The following ACSF3 variants were observed in gnomAD, a reference collection of about 807,000 sequenced individuals.
ACSF3 encodes the protein malonate--CoA ligase ACSF3, mitochondrial.
In ACSF3, 78 loss-of-function variants were observed where a neutral mutation model predicts 53.2. The ratio of observed to expected loss-of-function variants is 1.47; its 90% confidence interval spans 1.22 to 1.77. The LOEUF is 1.77. Among genes scored for constraint, ACSF3 ranks in the 40% most tolerant of loss-of-function variants. ACSF3 has a pLI of 0.00. For synonymous variants in ACSF3, 414 were observed against 333.1 expected (o/e 1.24, Z -2.65); for missense variants, 937 against 771.1 (o/e 1.22, Z -2.55).
chr16:89,124,709 C>T (rs911646646), intron 7 of ACSF3, among the ~76,000 whole-genome samples: 3 of 148,934 alleles, frequency 2.0e-5, no homozygotes, highest in Non-Finnish European at 4.5e-5. Flanking sequence ...GTGTGTGATA[C>T]CCATGTGCGC....
intron 4 of ACSF3, among the ~76,000 whole-genome samples, chr16:89,110,339 A>G (rs1976538283): frequency 1.3e-5 from 2 of 152,218 alleles, no homozygotes; most frequent in South Asian, 2.1e-4. Flanking sequence ...GGTGTGAGGT[A>G]GGGTCTAGGA....
chr16:89,145,312 G>A lies in ACSF3; in HGVS notation c.1412G>A (p.Arg471Gln), dbSNP rs387907119. 2.6e-5 allele frequency: 42 copies of A among 1,614,172 alleles called. No individual in the cohort carries two copies. The South Asian group carries it at 2.6e-4, about 10-fold the overall frequency. The change falls in exon 9 of 11, where the codon CGG becomes CAG. Residue 471 changes from arginine to glutamine, a missense_variant. Coordinates refer to ENST00000614302, the MANE Select transcript of ACSF3 (RefSeq NM_001243279.3). ...GATGGCCAGTACTGGATCCGAGGCC[G>A]GACCTCAGTGGACATCATCAAGACT... The part of the protein sequence containing the change: ...FKDGQYWIRG[R>Q]TSVDIIKTGG...
At chr16:89,108,123 C>T (rs1049247899) in intron 4 of ACSF3, among the ~76,000 whole-genome samples, 5 of 152,180 alleles carry the variant, frequency 3.3e-5, no homozygotes, top group Non-Finnish European at 5.9e-5. Context: ...ACAGGAAAGA[C>T]CGGCCCCCAT....
At chr16:89,100,105 C>T (rs1975094379) in intron 2 of ACSF3, among the ~76,000 whole-genome samples, 2 of 152,114 alleles carry the variant, frequency 1.3e-5, no homozygotes, top group African/African-American at 4.8e-5. Context: ...TGCATCACTA[C>T]ACTCCAGCCT....
Position 89,155,682 on chromosome 16 carries a change from G to T in ACSF3, c.*1475G>T, listed in dbSNP as rs1459178867. 14 of 454,020 alleles carry T rather than the reference G, an allele frequency of 3.1e-5. No homozygotes were observed. In the East Asian group the frequency reaches 9.7e-4, roughly 32 times the overall value. The allele number at this position is 454,020 out of a possible 1,614,324, so 28.1% of individuals were successfully genotyped here. A position where few individuals can be genotyped will look rare whatever the true frequency, so the allele number is the denominator to read the frequency against. On this transcript the variant is annotated 3_prime_UTR_variant, in exon 11 of 11. Coordinates refer to ENST00000614302, the MANE Select transcript of ACSF3 (RefSeq NM_001243279.3). Reference sequence around the variant, plus strand: ...CTACAGTCCAGACGTTTGTGTCTAGGCCTTGCTGGTAGCTAAGGAAATGCC... The same window carrying T: ...CTACAGTCCAGACGTTTGTGTCTAGTCCTTGCTGGTAGCTAAGGAAATGCC...
intron 6 of ACSF3, among the ~76,000 whole-genome samples, chr16:89,115,980 T>A (rs1905059379): frequency 6.6e-6 from 1 of 152,224 alleles, no homozygotes; most frequent in Non-Finnish European, 1.5e-5. Context: ...ATCAGGAGTT[T>A]TAGGTTTTGG....
At position 89,141,015 on chromosome 16, in the gene ACSF3, GGTT is replaced by G; in HGVS notation, c.1367-4248_1367-4246del. 2.5e-6 allele frequency: 3 copies of G among 1,220,572 alleles called. No homozygotes were observed. In the South Asian group the frequency reaches 4.1e-5, roughly 17 times the overall value. 75.6% of individuals were successfully genotyped at this position (1,220,572 alleles called of 1,614,324 possible). A position where few individuals can be genotyped will look rare whatever the true frequency, so the allele number is the denominator to read the frequency against. On this transcript the variant is annotated intron_variant, in intron 8 of 10. Coordinates refer to ENST00000614302, the MANE Select transcript of ACSF3 (RefSeq NM_001243279.3). The stretch of plus-strand genomic sequence containing the variant: ...CAGAATCGATGCATTTTGATAAATA[GGTT>G]GTTATGGAAAGTAAAGGTTATTTAA...
At chr16:89,115,217 T>TA in intron 6 of ACSF3, 1 of 156,522 alleles carries the variant, frequency 6.4e-6, no homozygotes, top group East Asian at 1.9e-4. Flanking sequence ...GCAGACCCAG[T>TA]AAAAATTCAC....
intron 7 of ACSF3, chr16:89,122,318 T>G (rs1906852329): frequency 2.8e-6 from 1 of 362,074 alleles, no homozygotes; most frequent in Non-Finnish European, 5.7e-6. Context: ...GGCAACTTGC[T>G]GAAACCCACC....
intron 2 of ACSF3, among the ~76,000 whole-genome samples, chr16:89,099,303 T>G (rs1422517983): frequency 6.6e-6 from 1 of 152,240 alleles, no homozygotes; most frequent in East Asian, 1.9e-4. Context: ...CACCCTGGCT[T>G]CTTCTCGGTC....
At chr16:89,110,827 C>T (rs577171080) in intron 4 of ACSF3, among the ~76,000 whole-genome samples, 3 of 152,296 alleles carry the variant, frequency 2.0e-5, no homozygotes, top group South Asian at 2.1e-4. Flanking sequence ...CCCCTCCCTC[C>T]CTCGATGGCA....
chr16:89,141,015 G>C, intron 8 of ACSF3: 5 of 1,220,572 alleles, frequency 4.1e-6, no homozygotes, highest in South Asian at 2.7e-5. Context: ...TTGATAAATA[G>C]GTTGTTATGG....
chr16:89,142,584 CAG>C (rs1253173680), intron 8 of ACSF3, among the ~76,000 whole-genome samples: 20 of 142,518 alleles, frequency 1.4e-4, no homozygotes, highest in Admixed American at 3.5e-4. Context: ...CCCACACCTG[CAG>C]AGACACAGCC....
intron 10 of ACSF3, chr16:89,150,633 G>A (rs538930698): frequency 4.3e-5 from 11 of 253,148 alleles, no homozygotes; most frequent in Admixed American, 1.0e-4. Flanking sequence ...GGGAAGCTGC[G>A]TGCAGGGCAC....
intron 7 of ACSF3, among the ~76,000 whole-genome samples, chr16:89,124,086 GCGCA>G (rs1226668783): frequency 8.7e-3 from 33 of 3,776 alleles, no homozygotes; most frequent in Admixed American, 0.042. Context: ...TGCCTAGTGT[GCGCA>G]TGGGTATCAC....
At chr16:89,135,208 G>T (rs998711595) in intron 8 of ACSF3, among the ~76,000 whole-genome samples, 1 of 151,756 alleles carries the variant, frequency 6.6e-6, no homozygotes, top group South Asian at 2.1e-4. Context: ...AATCAGAAAC[G>T]CATCTGCCCC....
chr16:89,128,747 A>T (rs111672080), intron 7 of ACSF3, among the ~76,000 whole-genome samples: 6 of 152,150 alleles, frequency 3.9e-5, no homozygotes, highest in Non-Finnish European at 8.8e-5. Context: ...CGCACTTGGT[A>T]TATTTCAATT....
chr16:89,100,752 C>G lies in ACSF3; in HGVS notation c.71C>G (p.Ala24Gly). The change falls in exon 3 of 11, where the codon GCG becomes GGG. Residue 24 changes from alanine (A) to glycine (G), a missense_variant. Coordinates refer to ENST00000614302, the MANE Select transcript of ACSF3 (RefSeq NM_001243279.3). ...CALASCRLAPARHRGSGLLHT... is the reference protein window; with the variant it reads ...CALASCRLAPGRHRGSGLLHT... ...TTGGCGTCCTGCCGGCTGGCGCCTG[C>G]GAGACACAGAGGAAGTGGTCTTCTG... 3.7e-6 allele frequency: 6 copies of G among 1,607,320 alleles called. No homozygotes were observed. The highest frequency in any genetic ancestry group is 5.1e-6 in the Non-Finnish European group (6 of 1,179,802).
At chr16:89,134,361 T>C (rs144158730) in intron 8 of ACSF3, among the ~76,000 whole-genome samples, 78 of 152,282 alleles carry the variant, frequency 5.1e-4, no homozygotes, top group African/African-American at 1.7e-3. Flanking sequence ...AGGATGAACG[T>C]GGGTGCTTAG....
Sources: allele counts gnomAD v4.1 joint callset (sites outside exome capture counted in the v4.1 genomes callset), GRCh38; gene constraint gnomAD v4.1.1; transcripts MANE v1.5; gene names NCBI Gene and HGNC (gene_info 2026-07-23, HGNC 2026-07-21).